HSD17B4: variants seen among roughly 807,000 people sequenced by gnomAD.
HSD17B4 encodes hydroxysteroid 17-beta dehydrogenase 4.
Under a neutral mutation model 101.0 loss-of-function variants are expected in HSD17B4, and 70 were observed. The ratio of observed to expected loss-of-function variants is 0.69; its 90% CI spans 0.57 to 0.85. The LOEUF is 0.85. Ranked by LOEUF, HSD17B4 falls within the 40% of genes least tolerant of loss-of-function variation. The probability of loss-of-function intolerance (pLI) is 0.00; values close to 1 mark genes in which losing one functional copy is unlikely to be tolerated. For synonymous variants in HSD17B4, 347 were observed against 297.1 expected, an observed-to-expected ratio of 1.17 and a Z score of -1.73; for missense variants, 984 against 892.4, an observed-to-expected ratio of 1.10 and a Z score of -1.31.
intron 17 of HSD17B4, among the ~76,000 whole-genome samples, 196 bp downstream of exon 17, chr5:119,515,242 C>T (rs1752514444): frequency 6.6e-6 from 1 of 151,910 alleles, no homozygotes; most frequent in African/African-American, 2.4e-5. Context: ...TGTTTTCCCA[C>T]TAGATACCAA....
chr5:119,463,745 T>A (rs1020474637), intron 2 of HSD17B4, among the ~76,000 whole-genome samples: 15 of 139,914 alleles, frequency 1.1e-4, no homozygotes, highest in Non-Finnish European at 1.5e-4. Context: ...CTTGGCTCAC[T>A]GCAGCCTCCA....
chr5:119,455,761 A>G (rs1754570817), intron 1 of HSD17B4, among the ~76,000 whole-genome samples: 1 of 151,960 alleles, frequency 6.6e-6, no homozygotes, highest in South Asian at 2.1e-4. Flanking sequence ...TCTTAGAATA[A>G]CTCCTGAAAC....
At chr5:119,469,560 G>A (rs1756151465) in intron 2 of HSD17B4, among the ~76,000 whole-genome samples, 2 of 152,060 alleles carry the variant, frequency 1.3e-5, no homozygotes, top group South Asian at 4.1e-4. Context: ...TCATCATGTT[G>A]GCCATACTGG....
intron 6 of HSD17B4, chr5:119,476,559 T>C: frequency 1.0e-6 from 1 of 985,318 alleles, no homozygotes; most frequent in Non-Finnish European, 1.2e-6. Flanking sequence ...CCTGACTGTC[T>C]TTTGGAAGAA....
chr5:119,455,440 C>G (rs985433139), intron 1 of HSD17B4, among the ~76,000 whole-genome samples: 1 of 151,978 alleles, frequency 6.6e-6, no homozygotes, highest in Middle Eastern at 3.2e-3. Context: ...TCACCTGAAC[C>G]TGGGAGGTGG....
chr5:119,464,847 G>A (rs182293283), intron 2 of HSD17B4, among the ~76,000 whole-genome samples: 1 of 152,128 alleles, frequency 6.6e-6, no homozygotes, highest in Non-Finnish European at 1.5e-5. Flanking sequence ...GCCTGCCTTG[G>A]CCTCCTGAAG....
chr5:119,467,480 G>A (rs535617605), intron 2 of HSD17B4, among the ~76,000 whole-genome samples: 1 of 152,082 alleles, frequency 6.6e-6, no homozygotes, highest in Non-Finnish European at 1.5e-5. Context: ...CCAGTGTTGG[G>A]TGCATATATA....
chr5:119,486,416 C>T (rs1749614662), intron 8 of HSD17B4, among the ~76,000 whole-genome samples: 2 of 152,138 alleles, frequency 1.3e-5, no homozygotes, highest in Admixed American at 6.6e-5. Context: ...TTTTACCTCA[C>T]CCCATTTCTT....
At chr5:119,470,767 G>A (rs1473334705) in intron 2 of HSD17B4, among the ~76,000 whole-genome samples, 1 of 152,142 alleles carries the variant, frequency 6.6e-6, no homozygotes, top group African/African-American at 2.4e-5. Flanking sequence ...TCTTCTCTGC[G>A]GAGGAGACAA....
At chr5:119,462,988 T>C (rs1198225664) in intron 2 of HSD17B4, among the ~76,000 whole-genome samples, 3 of 152,196 alleles carry the variant, frequency 2.0e-5, no homozygotes, top group African/African-American at 7.2e-5. Flanking sequence ...GGTTAATCAA[T>C]CTCTTCCTAT....
chr5:119,478,985 G>A lies in HSD17B4; in HGVS notation c.586G>A (p.Ala196Thr). 1 of 1,613,646 alleles carries A rather than the reference G, an allele frequency of 6.2e-7. No homozygotes were observed. The highest frequency in any genetic ancestry group is 8.5e-7 in the Non-Finnish European group (1 of 1,179,670). ...NIHCNTIAPN[A>T]GSRMTQTVMP... is the part of the protein sequence containing the mutation. ...TCATTGTAACACCATTGCTCCTAATGCGGGATCACGGATGACTCAGACAGT... is the reference window on the plus strand; with the variant it reads ...TCATTGTAACACCATTGCTCCTAATACGGGATCACGGATGACTCAGACAGT... Residue 196 changes from alanine (A) to threonine (T), a missense_variant, in exon 8 of 24, where the codon GCG (alanine) becomes ACG (threonine). Coordinates refer to ENST00000510025, the MANE Select transcript of HSD17B4 (RefSeq NM_000414.4).
intron 2 of HSD17B4, chr5:119,471,497 C>G (rs1176135263): frequency 2.5e-6 from 1 of 404,782 alleles, no homozygotes; most frequent in African/African-American, 2.1e-5. Context: ...ACTTTCAACT[C>G]TCACCCCAGT....
At chr5:119,522,730 T>C (rs1437426473) in intron 17 of HSD17B4, among the ~76,000 whole-genome samples, 1 of 152,172 alleles carries the variant, frequency 6.6e-6, no homozygotes, top group Non-Finnish European at 1.5e-5. Context: ...ATTTCCTCTC[T>C]TGCTTCTTTT....
chr5:119,455,691 C>G (rs1181811157), intron 1 of HSD17B4, among the ~76,000 whole-genome samples: 1 of 151,742 alleles, frequency 6.6e-6, no homozygotes, highest in Non-Finnish European at 1.5e-5. Flanking sequence ...GATACAGAAA[C>G]CACTAGATAT....
At chr5:119,463,503 A>G (rs1008719342) in intron 2 of HSD17B4, among the ~76,000 whole-genome samples, 4 of 141,808 alleles carry the variant, frequency 2.8e-5, no homozygotes, top group Non-Finnish European at 6.1e-5. Context: ...TTTTCTTCAC[A>G]TTTTTGTCAT....
In HSD17B4 at chr5:119,542,122, A is replaced by G. The variant is rs971294160; in HGVS notation, c.*128A>G. ...AAATTGCTTAACATTTTCAGATATC[A>G]GATAACTGCAGATTTTCATTTTCTA... On this transcript the variant is annotated 3_prime_UTR_variant, in exon 24 of 24. Transcript: ENST00000510025. 4 of 684,834 alleles carry G rather than the reference A, an allele frequency of 5.8e-6. No homozygotes were observed. Among genetic ancestry groups the G allele is most frequent in the African/African-American group, 1.8e-5 (1 of 55,584 alleles). The allele number at this position is 684,834 out of a possible 1,614,324, so 42.4% of individuals were successfully genotyped here.
intron 2 of HSD17B4, among the ~76,000 whole-genome samples, chr5:119,463,452 G>C (rs938241566): frequency 4.0e-5 from 6 of 149,194 alleles, no homozygotes; most frequent in East Asian, 1.9e-4. Flanking sequence ...CATAATGGCT[G>C]TACTAATTTA....
chr5:119,489,720 A>G (rs1749925545), intron 9 of HSD17B4, among the ~76,000 whole-genome samples: 1 of 152,208 alleles, frequency 6.6e-6, no homozygotes, highest in Non-Finnish European at 1.5e-5. Flanking sequence ...ATAAGGCCTA[A>G]TACATAGCAC....
intron 23 of HSD17B4, among the ~76,000 whole-genome samples, chr5:119,538,925 T>A (rs1251902864): frequency 6.6e-6 from 1 of 152,188 alleles, no homozygotes; most frequent in East Asian, 1.9e-4. Context: ...ATGTTAGCTC[T>A]GTGAGAACAG....
Sources: gnomAD v4.1 joint callset for allele counts (sites outside exome capture counted in the v4.1 genomes callset) on GRCh38, gnomAD v4.1.1 for gene constraint, MANE v1.5 for transcripts, NCBI Gene and HGNC (gene_info 2026-07-23, HGNC 2026-07-21) for gene names.